NRXN1: variants seen among roughly 807,000 people sequenced by gnomAD.
NRXN1 encodes neurexin-1.
Under a neutral mutation model 150.9 loss-of-function variants are expected in NRXN1, and 39 were observed. The ratio of observed to expected loss-of-function variants is 0.26; its 90% CI spans 0.20 to 0.34. The LOEUF (loss-of-function observed/expected upper bound fraction) is 0.34, where lower values mean the gene tolerates loss of function less well. NRXN1 is among the 10% of genes least tolerant of loss of function. The pLI is 1.00. For missense variants in NRXN1, 1,815 were observed against 1,949.9 expected (o/e 0.93, Z 1.30); for synonymous variants, 924 against 757.0 (o/e 1.22, Z -3.62).
intron 19 of NRXN1, among the ~76,000 whole-genome samples, chr2:50,072,602 C>CA (rs771043763): frequency 0.14 from 13,848 of 98,292 alleles, 764 homozygotes; most frequent in Middle Eastern, 0.23. Flanking sequence ...ATAGTCATGG[C>CA]AAAAAAAAAA....
chr2:50,607,322 A>T (rs1573763257), intron 8 of NRXN1, among the ~76,000 whole-genome samples: 2 of 152,054 alleles, frequency 1.3e-5, no homozygotes. Context: ...TCATCTAATC[A>T]CCAAGAAAAT....
intron 17 of NRXN1, among the ~76,000 whole-genome samples, chr2:50,296,875 T>C (rs574096628): frequency 1.6e-5 from 2 of 128,242 alleles, no homozygotes; most frequent in East Asian, 5.3e-4. Context: ...CACAGTTTCT[T>C]TCTTTCTTTT....
chr2:50,131,208 A>G (rs952465599), intron 18 of NRXN1, among the ~76,000 whole-genome samples: 1 of 152,190 alleles, frequency 6.6e-6, no homozygotes, highest in African/African-American at 2.4e-5. Flanking sequence ...AATCTTCAAG[A>G]GAATAATATT....
chr2:51,025,323 A>T (rs1670266145), intron 2 of NRXN1, among the ~76,000 whole-genome samples: 1 of 152,170 alleles, frequency 6.6e-6, no homozygotes, highest in African/African-American at 2.4e-5. Flanking sequence ...CAAATTCTTT[A>T]TCTTATAGAA....
intron 18 of NRXN1, among the ~76,000 whole-genome samples, chr2:50,125,865 G>C (rs376525337): frequency 6.6e-6 from 1 of 152,058 alleles, no homozygotes; most frequent in African/African-American, 2.4e-5. Context: ...TGCAGGAGTT[G>C]AAACTATTCA....
At chr2:50,771,155 A>T (rs1702967521) in intron 5 of NRXN1, among the ~76,000 whole-genome samples, 1 of 152,100 alleles carries the variant, frequency 6.6e-6, no homozygotes, top group African/African-American at 2.4e-5. Flanking sequence ...AGTGCCTGGA[A>T]GGATGATGGT....
At chr2:50,863,571 G>A (rs1471071598) in intron 5 of NRXN1, among the ~76,000 whole-genome samples, 1 of 151,982 alleles carries the variant, frequency 6.6e-6, no homozygotes, top group Admixed American at 6.6e-5. Flanking sequence ...GCCCTTTAAA[G>A]ATTAAGCTCT....
At chr2:50,026,859 CT>C (rs57580154) in intron 21 of NRXN1, among the ~76,000 whole-genome samples, 17 of 65,236 alleles carry the variant, frequency 2.6e-4, no homozygotes, top group East Asian at 6.1e-4. Flanking sequence ...CTTTTCTTTT[CT>C]TTTTTTTTTT....
intron 18 of NRXN1, among the ~76,000 whole-genome samples, chr2:50,125,288 A>G (rs1704405576): frequency 6.6e-6 from 1 of 152,174 alleles, no homozygotes; most frequent in South Asian, 2.1e-4. Context: ...GAATGTAAAA[A>G]TTGGCACATT....
intron 5 of NRXN1, among the ~76,000 whole-genome samples, chr2:50,682,739 A>T (rs886888207): frequency 1.3e-5 from 2 of 152,148 alleles, no homozygotes; most frequent in African/African-American, 4.8e-5. Context: ...AGCAAGACAG[A>T]GTGCAACAGT....
chr2:50,597,287 C>T (rs1393829477), intron 8 of NRXN1, among the ~76,000 whole-genome samples: 1 of 152,160 alleles, frequency 6.6e-6, no homozygotes, highest in Non-Finnish European at 1.5e-5. Flanking sequence ...TACCCCAAAC[C>T]TTTGAATGAT....
At position 50,500,681 on chromosome 2, in the gene NRXN1, T is replaced by C. The variant is rs115366762; in HGVS notation, c.2498-2967A>G. On this transcript the variant is annotated intron_variant, in intron 13 of 22. Transcript: ENST00000401669. ...ATCACAATATTTAAGGTATAACAGA[T>C]TGACAATAATCTCCAACAAGACAAC... 3.1e-3 allele frequency among the ~76,000 whole-genome samples: 478 copies of C among 152,332 alleles called. 1 individual carries two copies. Among genetic ancestry groups the C allele is most frequent in the Non-Finnish European group, 5.1e-3 (345 of 68,020 alleles).
intron 18 of NRXN1, among the ~76,000 whole-genome samples, chr2:50,134,236 T>C (rs1424009885): frequency 6.8e-6 from 1 of 147,770 alleles, no homozygotes; most frequent in African/African-American, 2.5e-5. Context: ...AAAAAGGGTG[T>C]TGAGGTATAG....
At chr2:50,881,961 G>A (rs1490898838) in intron 5 of NRXN1, among the ~76,000 whole-genome samples, 1 of 151,666 alleles carries the variant, frequency 6.6e-6, no homozygotes, top group African/African-American at 2.4e-5. Context: ...ATTGAAGGGG[G>A]AGGGAGCGAA....
At chr2:50,312,840 A>G (rs1404929710) in intron 17 of NRXN1, 2 of 473,184 alleles carry the variant, frequency 4.2e-6, no homozygotes, top group Non-Finnish European at 8.5e-6. Flanking sequence ...CCATTTCCTG[A>G]TCATATAATT....
intron 5 of NRXN1, among the ~76,000 whole-genome samples, chr2:50,734,124 C>T (rs544263286): frequency 2.4e-4 from 36 of 152,190 alleles, no homozygotes; most frequent in African/African-American, 6.5e-4. Flanking sequence ...AGTGAGTAGA[C>T]GCCAAGGATA....
At chr2:50,193,045 C>T (rs1458369433) in intron 18 of NRXN1, among the ~76,000 whole-genome samples, 1 of 152,174 alleles carries the variant, frequency 6.6e-6, no homozygotes, top group African/African-American at 2.4e-5. Context: ...TTACTGTTCT[C>T]ATGTAAGAAC....
chr2:50,992,035 G>A (rs536164664), intron 2 of NRXN1, among the ~76,000 whole-genome samples: 1 of 151,956 alleles, frequency 6.6e-6, no homozygotes, highest in Non-Finnish European at 1.5e-5. Flanking sequence ...TCCGAGAGGG[G>A]ATAATATAAA....
chr2:50,894,163 G>A lies in NRXN1; in HGVS notation c.832+27706C>T, dbSNP rs549593158. 1.3e-3 allele frequency among the ~76,000 whole-genome samples: 198 copies of A among 151,464 alleles called. 1 individual carries two copies. Among genetic ancestry groups the A allele is most frequent in the African/African-American group, 4.6e-3 (190 of 41,270 alleles). ...TAGATGACGAGTTAGTGGGTGCAGC[G>A]CACCAGCATGGCACATGTATACATA... On this transcript the variant is annotated intron_variant, in intron 5 of 22. Coordinates refer to ENST00000401669, the MANE Select transcript of NRXN1 (RefSeq NM_001330078.2).
Sources: allele counts gnomAD v4.1 joint callset (sites outside exome capture counted in the v4.1 genomes callset), GRCh38; gene constraint gnomAD v4.1.1; transcripts MANE v1.5; gene names NCBI Gene and HGNC (gene_info 2026-07-23, HGNC 2026-07-21).